PCDHA13: variants seen among roughly 807,000 people sequenced by gnomAD.
PCDHA13 encodes protocadherin alpha 13, also known as protocadherin alpha-13.
Under a neutral mutation model 64.8 loss-of-function variants are expected in PCDHA13, and 54 were observed. The observed-to-expected ratio is 0.83, with a 90% CI of 0.67 to 1.04. The LOEUF (loss-of-function observed/expected upper bound fraction) is 1.04. PCDHA13 is among the 50% of genes least tolerant of loss of function. PCDHA13 has a pLI of 0.00. For missense variants in PCDHA13, 1,248 were observed against 1,254.3 expected (o/e 0.99, Z 0.08); for synonymous variants, 587 against 564.4 (o/e 1.04, Z -0.57).
chr5:140,961,938 C>T (rs1443851298), intron 1 of PCDHA13, among the ~76,000 whole-genome samples: 3 of 151,024 alleles, frequency 2.0e-5, no homozygotes, highest in African/African-American at 7.3e-5. Flanking sequence ...GGCTGGAGTG[C>T]AGTGGCATGA....
intron 3 of PCDHA13, among the ~76,000 whole-genome samples, chr5:141,003,100 T>TTCACAATC (rs1311391173): frequency 6.6e-6 from 1 of 152,240 alleles, no homozygotes; most frequent in African/African-American, 2.4e-5. Flanking sequence ...TGGCATTTGC[T>TTCACAATC]TCACAATCTT....
rs571034520 is a variant in PCDHA13 at position 140,922,140 on chromosome 5, A to G, written c.2394+37478A>G. ...CACCTTTAAATGTCTCTTATCCTCC[A>G]TGAAACTCATCAAAAACAACAAAAA... On this transcript the variant is annotated intron_variant, in intron 1 of 3. Coordinates refer to ENST00000289272, the MANE Select transcript of PCDHA13 (RefSeq NM_018904.3). Among the ~76,000 whole-genome samples the G allele has an allele frequency of 6.6e-5, 10 of 152,202 alleles. No individual in the cohort carries two copies. The East Asian group carries it at 1.9e-3, about 29-fold the overall frequency.
chr5:140,968,063 G>A, intron 1 of PCDHA13: 1 of 1,614,096 alleles, frequency 6.2e-7, no homozygotes. Flanking sequence ...AGAGCGGGTG[G>A]CTGTCTACAA....
At chr5:140,926,906 G>T in intron 1 of PCDHA13, 1 of 1,559,584 alleles carries the variant, frequency 6.4e-7, no homozygotes, top group Non-Finnish European at 8.7e-7. Context: ...GTGGGCTGTG[G>T]GGTGGCAGTT....
rs781954919 is a variant in PCDHA13 at position 140,884,378 on chromosome 5, A to G, written c.2110A>G (p.Ile704Val). 1.9e-6 allele frequency: 3 copies of G among 1,613,952 alleles called. No individual in the cohort carries two copies. The highest frequency in any genetic ancestry group is 2.5e-6 in the Non-Finnish European group (3 of 1,179,876). The change falls in exon 1 of 4, where the codon ATC (isoleucine) becomes GTC (valine). Residue 704 changes from isoleucine to valine, a missense_variant. Coordinates refer to ENST00000289272, the MANE Select transcript of PCDHA13 (RefSeq NM_018904.3). ...VDVNVYLIIA[I>V]CAVSSLLVLT... ...TGTCAATGTTTACTTGATCATTGCC[A>G]TCTGCGCGGTGTCCAGCCTGTTGGT...
intron 1 of PCDHA13, among the ~76,000 whole-genome samples, chr5:140,961,949 T>G (rs868952671): frequency 2.0e-5 from 3 of 151,876 alleles, no homozygotes; most frequent in Non-Finnish European, 4.4e-5. Context: ...AGTGGCATGA[T>G]CTCGGCTCAC....
At chr5:140,997,668 T>TTA (rs2097778675) in intron 3 of PCDHA13, among the ~76,000 whole-genome samples, 1 of 148,244 alleles carries the variant, frequency 6.7e-6, no homozygotes, top group African/African-American at 2.5e-5. Flanking sequence ...ATTATACAGC[T>TTA]TGTGTGTGTG....
intron 1 of PCDHA13, among the ~76,000 whole-genome samples, chr5:140,945,574 G>C (rs2153670366): frequency 6.6e-6 from 1 of 151,978 alleles, no homozygotes; most frequent in Middle Eastern, 3.4e-3. Context: ...ATACTACCTG[G>C]CTTCAAAATA....
At chr5:140,936,144 T>C (rs1386720304) in intron 1 of PCDHA13, among the ~76,000 whole-genome samples, 2 of 152,158 alleles carry the variant, frequency 1.3e-5, no homozygotes, top group African/African-American at 4.8e-5. Flanking sequence ...CTGCCCGCCT[T>C]GGCCTCCTAA....
At chr5:140,929,508 A>T in intron 1 of PCDHA13, 1 of 831,408 alleles carries the variant, frequency 1.2e-6, no homozygotes, top group Non-Finnish European at 1.7e-6. Context: ...CCTAGGCCTC[A>T]AGGGACTTAT....
Position 140,883,467 on chromosome 5 carries a change from CCTACAAGAA to C in PCDHA13, c.1204_1212del (p.Lys402_Tyr404del), listed in dbSNP as rs1554178369. 1 of 1,614,170 alleles carries C rather than the reference CCTACAAGAA, an allele frequency of 6.2e-7. No individual in the cohort carries two copies. The highest frequency in any genetic ancestry group is 2.2e-5 in the East Asian group (1 of 44,862). ...CATGTCCCCTTCAAGCTGGTGTCCA[CCTACAAGAA>C]CTACTACTCATTAGTGCTGGACAGC... On this transcript the variant is annotated inframe_deletion, in exon 1 of 4. Coordinates refer to ENST00000289272, the MANE Select transcript of PCDHA13 (RefSeq NM_018904.3).
intron 1 of PCDHA13, among the ~76,000 whole-genome samples, chr5:140,950,995 C>T (rs1554219713): frequency 6.6e-6 from 1 of 151,856 alleles, no homozygotes; most frequent in Non-Finnish European, 1.5e-5. Flanking sequence ...TCTTTTAGCT[C>T]CATTTTTCCC....
At position 140,884,659 on chromosome 5, in the gene PCDHA13, A is replaced by G; in HGVS notation, c.2391A>G (p.Lys797=). The change falls in exon 1 of 4, where the codon AAA becomes AAG. Residue 797 remains lysine (K), a synonymous_variant. Coordinates refer to ENST00000289272, the MANE Select transcript of PCDHA13 (RefSeq NM_018904.3). ...GQREEDSECL[K]EPRQPNPDWR... ...GGGAGGAGGACTCAGAATGCTTGAA[A>G]GAGGTAAGCTTATATTTTAAAAAAT... The G allele has an allele frequency of 6.3e-7, 1 of 1,597,068 alleles. No homozygotes were observed. The highest frequency in any genetic ancestry group is 8.5e-7 in the Non-Finnish European group (1 of 1,172,140).
chr5:140,969,400 T>C (rs782765994), intron 1 of PCDHA13: 2 of 1,580,682 alleles, frequency 1.3e-6, no homozygotes, highest in South Asian at 2.3e-5. Flanking sequence ...TATCCTGTGA[T>C]TTGGCTTTAT....
At chr5:140,967,552 T>C (rs782453868) in intron 1 of PCDHA13, 2 of 1,613,908 alleles carry the variant, frequency 1.2e-6, no homozygotes, top group Non-Finnish European at 1.7e-6. Context: ...AGTCCACTTA[T>C]CGCGTCCAGC....
intron 1 of PCDHA13, among the ~76,000 whole-genome samples, chr5:140,975,553 G>A (rs990389718): frequency 6.6e-6 from 1 of 152,226 alleles, no homozygotes; most frequent in Non-Finnish European, 1.5e-5. Flanking sequence ...TATTAGGAAG[G>A]AAAAGGAGAT....
Position 140,883,880 on chromosome 5 carries a change from C to A in PCDHA13, c.1612C>A (p.Arg538Ser). Reference sequence around the variant, plus strand: ...GCTGTTGCAGTTCCAGGTGAGCGCGCGCGACTCTGGCGTGCCGCCTCTGGG... The same window carrying A: ...GCTGTTGCAGTTCCAGGTGAGCGCGAGCGACTCTGGCGTGCCGCCTCTGGG... ...LELLQFQVSA[R>S]DSGVPPLGSN... The change falls in exon 1 of 4, where the codon CGC becomes AGC. Residue 538 changes from arginine to serine, a missense_variant. Arg to Ser is a moderately radical substitution (Grantham distance 110). Coordinates refer to ENST00000289272, the MANE Select transcript of PCDHA13 (RefSeq NM_018904.3). 1 of 1,613,304 alleles carries A rather than the reference C, an allele frequency of 6.2e-7. No individual in the cohort carries two copies.
chr5:140,984,726 A>C (rs549219216), intron 3 of PCDHA13, among the ~76,000 whole-genome samples: 51 of 152,276 alleles, frequency 3.3e-4, no homozygotes, highest in Non-Finnish European at 5.0e-4. Flanking sequence ...AAAGATTAAG[A>C]TTATGATTTA....
intron 1 of PCDHA13, among the ~76,000 whole-genome samples, chr5:140,919,657 A>G (rs1341455821): frequency 3.9e-5 from 6 of 152,258 alleles, no homozygotes; most frequent in Non-Finnish European, 8.8e-5. Flanking sequence ...AGTTTACCAT[A>G]TATATTTTAG....
Sources: gnomAD v4.1 joint callset for allele counts (sites outside exome capture counted in the v4.1 genomes callset) on GRCh38, gnomAD v4.1.1 for gene constraint, MANE v1.5 for transcripts, NCBI Gene and HGNC (gene_info 2026-07-23, HGNC 2026-07-21) for gene names.